PKP2: variants seen among roughly 807,000 people sequenced by gnomAD.
PKP2 encodes plakophilin 2.
PKP2 carries 73 observed loss-of-function variants against 83.4 expected under a neutral mutation model. The ratio of observed to expected loss-of-function variants is 0.88; its 90% CI spans 0.72 to 1.06. PKP2 has a LOEUF of 1.06. PKP2 is among the 50% of genes least tolerant of loss of function. The pLI is 0.00. For missense variants in PKP2, 966 were observed against 1,065.4 expected (o/e 0.91, Z 1.30); for synonymous variants, 409 against 430.4 (o/e 0.95, Z 0.62).
rs1365113631 is a variant in PKP2 at position 32,792,833 on chromosome 12, C to T, written c.2358-102G>A. The T allele has an allele frequency of 2.7e-5, 24 of 900,050 alleles. 1 individual carries two copies. The South Asian group carries it at 3.0e-4, about 11-fold the overall frequency. 55.8% of individuals were successfully genotyped at this position (900,050 alleles called of 1,614,324 possible). A position where few individuals can be genotyped will look rare whatever the true frequency, so the allele number is the denominator to read the frequency against. On this transcript the variant is annotated intron_variant, in intron 11 of 12. Coordinates refer to ENST00000340811, the MANE Select transcript of PKP2 (RefSeq NM_001005242.3). ...ACCTCTTCGCTCCTCAACTGCTACT[C>T]CGCAGCAGCCATCCATGAAGTCAGG...
intron 9 of PKP2, among the ~76,000 whole-genome samples, chr12:32,809,072 C>T (rs1956252709): frequency 6.6e-6 from 1 of 152,200 alleles, no homozygotes; most frequent in South Asian, 2.1e-4. Flanking sequence ...GGGGAGGACC[C>T]TTCCTCATCT....
intron 5 of PKP2, among the ~76,000 whole-genome samples, chr12:32,841,894 C>A (rs1956595840): frequency 6.6e-6 from 1 of 152,216 alleles, no homozygotes; most frequent in Admixed American, 6.5e-5. Context: ...ACAGCATCTT[C>A]CCTATTGGCC....
intron 4 of PKP2, among the ~76,000 whole-genome samples, chr12:32,868,241 T>C (rs1190101206): frequency 3.3e-5 from 5 of 152,210 alleles, no homozygotes; most frequent in Admixed American, 6.5e-5. Flanking sequence ...TCAGGATGAG[T>C]CTCGCTCTGT....
chr12:32,858,095 A>G (rs1242351803), intron 4 of PKP2, among the ~76,000 whole-genome samples: 1 of 87,124 alleles, frequency 1.1e-5, no homozygotes, highest in Non-Finnish European at 2.3e-5. Flanking sequence ...ATATATATAT[A>G]TATATATATA....
chr12:32,841,596 T>C (rs1175147773), intron 5 of PKP2, among the ~76,000 whole-genome samples: 2 of 152,286 alleles, frequency 1.3e-5, no homozygotes, highest in African/African-American at 4.8e-5. Flanking sequence ...TAACTAAAAC[T>C]TCAACATTTT....
intron 5 of PKP2, 86 bp from the exon 6 acceptor site, chr12:32,841,291 A>C: frequency 1.8e-6 from 2 of 1,128,674 alleles, no homozygotes; most frequent in Non-Finnish European, 1.3e-6. Flanking sequence ...CATCAACTCC[A>C]GGGCTATGAC....
At chr12:32,893,650 T>C (rs1363967561) in intron 1 of PKP2, 2 of 152,208 alleles carry the variant, frequency 1.3e-5, no homozygotes, top group Non-Finnish European at 2.9e-5. Context: ...ACTGGAAAGC[T>C]GCTGTTGCAA....
intron 4 of PKP2, among the ~76,000 whole-genome samples, chr12:32,852,483 A>G (rs890497503): frequency 6.6e-6 from 1 of 152,216 alleles, no homozygotes; most frequent in African/African-American, 2.4e-5. Context: ...TAATAGCCAC[A>G]ACAATAACAA....
chr12:32,871,729 G>A (rs919857001), intron 3 of PKP2, among the ~76,000 whole-genome samples: 3 of 152,054 alleles, frequency 2.0e-5, no homozygotes, highest in African/African-American at 7.2e-5. Flanking sequence ...CTCCCAAAGT[G>A]CTGGGATTAC....
At chr12:32,865,399 G>A (rs907420172) in intron 4 of PKP2, among the ~76,000 whole-genome samples, 1 of 148,398 alleles carries the variant, frequency 6.7e-6, no homozygotes, top group South Asian at 2.1e-4. Context: ...AAAAAAAATC[G>A]GCTGGGTGCA....
intron 4 of PKP2, among the ~76,000 whole-genome samples, chr12:32,851,557 C>T (rs1342749607): frequency 6.6e-6 from 1 of 152,140 alleles, no homozygotes; most frequent in Non-Finnish European, 1.5e-5. Context: ...CAAGCTCCGC[C>T]TCCCAGGTTC....
chr12:32,837,102 C>G (rs1254529458), intron 6 of PKP2, among the ~76,000 whole-genome samples: 1 of 152,220 alleles, frequency 6.6e-6, no homozygotes, highest in Non-Finnish European at 1.5e-5. Context: ...AAGAACAACA[C>G]TGAAATGCTG....
intron 10 of PKP2, among the ~76,000 whole-genome samples, chr12:32,800,766 C>T (rs1956171446): frequency 2.0e-5 from 3 of 152,192 alleles, no homozygotes; most frequent in Admixed American, 6.6e-5. Context: ...GAATGAAAGG[C>T]CTTGACTGGC....
chr12:32,827,027 T>C (rs940683157), intron 6 of PKP2, among the ~76,000 whole-genome samples: 1 of 152,256 alleles, frequency 6.6e-6, no homozygotes, highest in Non-Finnish European at 1.5e-5. Flanking sequence ...TTTGGCCTTT[T>C]CAACCTCTGG....
chr12:32,836,940 C>T (rs1039448087), intron 6 of PKP2, among the ~76,000 whole-genome samples: 1 of 152,126 alleles, frequency 6.6e-6, no homozygotes, highest in Non-Finnish European at 1.5e-5. Flanking sequence ...CTCCTAGTGG[C>T]CTTTCTATTC....
chr12:32,831,487 GAA>G (rs1956501457), intron 6 of PKP2, among the ~76,000 whole-genome samples: 1 of 152,166 alleles, frequency 6.6e-6, no homozygotes, highest in African/African-American at 2.4e-5. Flanking sequence ...AAGTATCTGA[GAA>G]AGACATTCTT....
At chr12:32,862,141 C>T (rs546077106) in intron 4 of PKP2, among the ~76,000 whole-genome samples, 43 of 152,286 alleles carry the variant, frequency 2.8e-4, no homozygotes, top group African/African-American at 1.0e-3. Flanking sequence ...AAGTGATCTG[C>T]CCGCCTCAGT....
chr12:32,812,502 A>G (rs772124447), intron 9 of PKP2, among the ~76,000 whole-genome samples: 2 of 151,636 alleles, frequency 1.3e-5, no homozygotes, highest in Non-Finnish European at 2.9e-5. Context: ...TAATTTACTC[A>G]TTTCTTTTTT....
chr12:32,802,648 GTTTTATT>G, intron 9 of PKP2, 92 bp from the exon 10 acceptor site: 1 of 1,101,830 alleles, frequency 9.1e-7, no homozygotes, highest in East Asian at 2.3e-5. Flanking sequence ...TGATGAAGAT[GTTTTATT>G]TTTATCTTAT....
Sources: gnomAD v4.1 joint callset for allele counts (sites outside exome capture counted in the v4.1 genomes callset) on GRCh38, gnomAD v4.1.1 for gene constraint, MANE v1.5 for transcripts, NCBI Gene and HGNC (gene_info 2026-07-23, HGNC 2026-07-21) for gene names.